Variants in MCOLN3 observed in about 807,000 individuals in gnomAD.
The protein encoded by MCOLN3 is mucolipin-3.
MCOLN3 carries 62 observed loss-of-function variants against 69.4 expected under a neutral mutation model. The observed-to-expected ratio is 0.89, with a 90% CI of 0.73 to 1.10. MCOLN3 has a LOEUF of 1.10. Ranked by LOEUF, MCOLN3 falls within the 50% of genes least tolerant of loss-of-function variation. The probability of loss-of-function intolerance (pLI) is 0.00; values close to 1 mark genes in which losing one functional copy is unlikely to be tolerated. For missense variants in MCOLN3, 564 were observed against 656.4 expected, an observed-to-expected ratio of 0.86 and a Z score of 1.54; for synonymous variants, 183 against 217.0, an observed-to-expected ratio of 0.84 and a Z score of 1.38.
At chr1:85,037,040 T>G (rs1373486826) in intron 3 of MCOLN3, among the ~76,000 whole-genome samples, 1 of 152,136 alleles carries the variant, frequency 6.6e-6, no homozygotes, top group African/African-American at 2.4e-5. Flanking sequence ...ATTATAATAA[T>G]GCGATGGAGC....
rs1181215591 is a variant in MCOLN3, at chr1:85,032,968, AG to A, written c.551-13del. The A allele has an allele frequency of 6.2e-7, 1 of 1,612,566 alleles. No homozygotes were observed. The highest frequency in any genetic ancestry group is 8.5e-7 in the Non-Finnish European group (1 of 1,179,102). ...CACAAAGAAACACTCTGCCATAGAA[AG>A]GAACAAAAACATGATACAGTACTTA... On this transcript the variant is annotated splice_polypyrimidine_tract_variant and intron_variant, in intron 4 of 12. Transcript: ENST00000370589.
At chr1:85,044,681 A>G (rs1653250574) in intron 2 of MCOLN3, among the ~76,000 whole-genome samples, 1 of 152,198 alleles carries the variant, frequency 6.6e-6, no homozygotes, top group Non-Finnish European at 1.5e-5. Context: ...CTTCCATTGC[A>G]TGGTTCTCAT....
chr1:85,033,789 C>T lies in MCOLN3; in HGVS notation c.550+309G>A, dbSNP rs191337379. ...GGAATACGATAGCTAAGAACACAAACAGCCTGAGCCCAATTTCAGCACTGC... is the reference window on the plus strand; with the variant it reads ...GGAATACGATAGCTAAGAACACAAATAGCCTGAGCCCAATTTCAGCACTGC... On this transcript the variant is annotated intron_variant, in intron 4 of 12. Coordinates refer to ENST00000370589, the MANE Select transcript of MCOLN3 (RefSeq NM_018298.11). Among the ~76,000 whole-genome samples the T allele has an allele frequency of 1.7e-3, 263 of 152,310 alleles. 5 individuals are homozygous for T. The highest frequency in any genetic ancestry group is 7.9e-4 in the Non-Finnish European group (54 of 68,040).
intron 6 of MCOLN3, among the ~76,000 whole-genome samples, chr1:85,031,312 C>T (rs1484908102): frequency 1.3e-5 from 2 of 150,650 alleles, no homozygotes; most frequent in African/African-American, 4.9e-5. Flanking sequence ...GAAATAAGAT[C>T]TAGTGTTTAG....
chr1:85,042,978 T>C (rs1653142234), intron 2 of MCOLN3, among the ~76,000 whole-genome samples: 1 of 152,240 alleles, frequency 6.6e-6, no homozygotes, highest in African/African-American at 2.4e-5. Flanking sequence ...TACATGCTTA[T>C]TACTAGCAGC....
chr1:85,021,364 G>A (rs1233444025), intron 11 of MCOLN3, 88 bp from the exon 12 acceptor site: 1 of 1,093,666 alleles, frequency 9.1e-7, no homozygotes, highest in African/African-American at 1.6e-5. Context: ...AAACATAAAG[G>A]GACCAGATAA....
chr1:85,030,227 C>T (rs1047212673), intron 6 of MCOLN3, among the ~76,000 whole-genome samples: 3 of 152,200 alleles, frequency 2.0e-5, no homozygotes, highest in African/African-American at 4.8e-5. Flanking sequence ...GCTTTTCCTA[C>T]ACAAAGGGCC....
chr1:85,040,078 C>A (rs1188718828), intron 3 of MCOLN3, among the ~76,000 whole-genome samples: 1 of 152,144 alleles, frequency 6.6e-6, no homozygotes, highest in Non-Finnish European at 1.5e-5. Flanking sequence ...ACTTAAAATT[C>A]TAAAAACGGA....
At chr1:85,031,520 T>A (rs1001294672) in intron 6 of MCOLN3, among the ~76,000 whole-genome samples, 3 of 152,112 alleles carry the variant, frequency 2.0e-5, no homozygotes, top group African/African-American at 2.4e-5. Context: ...TACGTATTCG[T>A]AAAATTTTTA....
At chr1:85,038,941 G>A (rs988274584) in intron 3 of MCOLN3, among the ~76,000 whole-genome samples, 1 of 152,136 alleles carries the variant, frequency 6.6e-6, no homozygotes, top group African/African-American at 2.4e-5. Flanking sequence ...GTTGCAGTGA[G>A]CCAAGATTGC....
chr1:85,034,127 G>A lies in MCOLN3; in HGVS notation c.521C>T (p.Thr174Ile), dbSNP rs776396770. ...TTCAATTTCTGGATCGATGTCAAAG[G>A]TATCATTTCCAGGGTAGATGTTTCC... ...KRGNIYPGND[T>I]FDIDPEIETE... The change falls in exon 4 of 13, where the codon ACC becomes ATC. Residue 174 changes from threonine to isoleucine, a missense_variant. Physicochemically the swap from Thr to Ile is moderately conservative, Grantham distance 89. Coordinates refer to ENST00000370589, the MANE Select transcript of MCOLN3 (RefSeq NM_018298.11). 7.4e-5 allele frequency: 119 copies of A among 1,614,024 alleles called. No individual in the cohort carries two copies. The highest frequency in any genetic ancestry group is 9.8e-5 in the Non-Finnish European group (116 of 1,180,018).
At chr1:85,043,173 A>C (rs1004944668) in intron 2 of MCOLN3, among the ~76,000 whole-genome samples, 3 of 152,144 alleles carry the variant, frequency 2.0e-5, no homozygotes, top group African/African-American at 7.2e-5. Flanking sequence ...TTCCTTACCA[A>C]GACCCTCATT....
intron 3 of MCOLN3, among the ~76,000 whole-genome samples, chr1:85,036,020 G>T (rs935123964): frequency 2.0e-5 from 3 of 152,140 alleles, no homozygotes; most frequent in Non-Finnish European, 4.4e-5. Flanking sequence ...TATTCACTTT[G>T]CTGGCTTTGT....
At chr1:85,045,830 C>T (rs913873010) in intron 1 of MCOLN3, among the ~76,000 whole-genome samples, 8 of 152,148 alleles carry the variant, frequency 5.3e-5, no homozygotes, top group African/African-American at 1.9e-4. Context: ...ATGTTTAAAA[C>T]CACCGAGTTA....
At chr1:85,032,409 G>C (rs954332437) in intron 6 of MCOLN3, among the ~76,000 whole-genome samples, 1 of 152,066 alleles carries the variant, frequency 6.6e-6, no homozygotes, top group African/African-American at 2.4e-5. Flanking sequence ...ATTCCTTTTG[G>C]GTTTGAAAAT....
In MCOLN3 at chr1:85,019,268, G is replaced by A. The variant is rs771509585; in HGVS notation, c.1528-11C>T. 1 of 1,606,244 alleles carries A rather than the reference G, an allele frequency of 6.2e-7. No individual in the cohort carries two copies. The highest frequency in any genetic ancestry group is 8.5e-7 in the Non-Finnish European group (1 of 1,177,712). On this transcript the variant is annotated splice_polypyrimidine_tract_variant and intron_variant, in intron 12 of 12. Coordinates refer to ENST00000370589, the MANE Select transcript of MCOLN3 (RefSeq NM_018298.11). ...ATCTTGTTGGTATTGCTAAACAGAA[G>A]AATGTTAAAAAGCTTTTATTAATAA...
chr1:85,032,183 G>A (rs1365709854), intron 6 of MCOLN3, among the ~76,000 whole-genome samples: 1 of 152,214 alleles, frequency 6.6e-6, no homozygotes, highest in East Asian at 1.9e-4. Context: ...GCCAAGATGG[G>A]AGAAATGGAA....
At position 85,026,078 on chromosome 1, in the gene MCOLN3, T is replaced by A. The variant is rs1263090886; in HGVS notation, c.956A>T (p.Asn319Ile). ...RGLQLQQEFV[N>I]FFLLHYKKEV... ...CTTCTTATAATGGAGGAGGAAAAAATTGACAAACTCCTTTAGGGAAAAGAG... is the reference window on the plus strand; with the variant it reads ...CTTCTTATAATGGAGGAGGAAAAAAATGACAAACTCCTTTAGGGAAAAGAG... Residue 319 changes from asparagine (N) to isoleucine (I), a missense_variant, in exon 9 of 13, where the codon AAT (asparagine) becomes ATT (isoleucine). Physicochemically the swap from Asn to Ile is moderately radical, Grantham distance 149. Coordinates refer to ENST00000370589, the MANE Select transcript of MCOLN3 (RefSeq NM_018298.11). The A allele has an allele frequency of 6.2e-7, 1 of 1,602,114 alleles. No homozygotes were observed. Among genetic ancestry groups the A allele is most frequent in the Admixed American group, 1.7e-5 (1 of 57,526 alleles).
chr1:85,029,156 T>C lies in MCOLN3; in HGVS notation c.782A>G (p.Asp261Gly), dbSNP rs935238826. 2 of 1,607,404 alleles carry C rather than the reference T, an allele frequency of 1.2e-6. No homozygotes were observed. Among genetic ancestry groups the C allele is most frequent in the Admixed American group, 1.7e-5 (1 of 59,992 alleles). ...ACATTCTCTGATGGAAATGTCATTA[T>C]CTAAACTTATTTTAATTCTTCCACT... ...AHSGRIKISL[D>G]NDISIRECKD... Residue 261 changes from aspartate (D) to glycine (G), a missense_variant, in exon 7 of 13, where the codon GAT becomes GGT. Physicochemically the swap from Asp to Gly is moderately conservative, Grantham distance 94. Coordinates refer to ENST00000370589, the MANE Select transcript of MCOLN3 (RefSeq NM_018298.11).
Sources: allele counts gnomAD v4.1 joint callset (sites outside exome capture counted in the v4.1 genomes callset), GRCh38; gene constraint gnomAD v4.1.1; transcripts MANE v1.5; gene names NCBI Gene and HGNC (gene_info 2026-07-23, HGNC 2026-07-21).